The following USP54 variants were observed in gnomAD, a reference collection of about 807,000 sequenced individuals.
USP54 encodes ubiquitin specific peptidase 54.
In USP54, 87 loss-of-function variants were observed where a neutral mutation model predicts 170.5. That is an observed-to-expected ratio of 0.51 (90% CI 0.43 to 0.61). The LOEUF is 0.61. Ranked by LOEUF, USP54 falls within the 20% of genes least tolerant of loss-of-function variation. The pLI is 0.00. For missense variants in USP54, 1,786 were observed against 2,047.8 expected (o/e 0.87, Z 2.47); for synonymous variants, 655 against 742.8 (o/e 0.88, Z 1.92).
At chr10:73,502,115 TAAATA>T (rs2133131858) in intron 22 of USP54, among the ~76,000 whole-genome samples, 1 of 152,306 alleles carries the variant, frequency 6.6e-6, no homozygotes, top group South Asian at 2.1e-4. Context: ...AATAATACAT[TAAATA>T]AAATAATCTA....
chr10:73,589,757 A>T (rs1443172755), intron 1 of USP54, among the ~76,000 whole-genome samples: 1 of 152,190 alleles, frequency 6.6e-6, no homozygotes, highest in Non-Finnish European at 1.5e-5. Context: ...AAGCAACTCC[A>T]GTGTGAGAGA....
chr10:73,584,935 A>C (rs1331739667), intron 1 of USP54, among the ~76,000 whole-genome samples: 1 of 152,144 alleles, frequency 6.6e-6, no homozygotes, highest in Non-Finnish European at 1.5e-5. Flanking sequence ...GGACCACTGC[A>C]CCACATTACT....
intron 1 of USP54, among the ~76,000 whole-genome samples, chr10:73,601,323 A>C (rs983518980): frequency 1.9e-4 from 29 of 152,290 alleles, no homozygotes; most frequent in African/African-American, 6.7e-4. Flanking sequence ...CAAAATTGTT[A>C]AGTCATGGAA....
At chr10:73,564,901 CAA>C (rs199823108) in intron 4 of USP54, among the ~76,000 whole-genome samples, 8 of 66,438 alleles carry the variant, frequency 1.2e-4, no homozygotes, top group East Asian at 1.1e-3. Context: ...TCATCTCTAC[CAA>C]AAAAAAAAAA....
At chr10:73,556,657 A>G (rs34529974) in intron 4 of USP54, among the ~76,000 whole-genome samples, 9 of 152,102 alleles carry the variant, frequency 5.9e-5, no homozygotes, top group Non-Finnish European at 1.3e-4. Flanking sequence ...GTAATTTCTT[A>G]TATCATTTTA....
chr10:73,514,173 G>T (rs1203690501), intron 20 of USP54, among the ~76,000 whole-genome samples: 5 of 152,002 alleles, frequency 3.3e-5, no homozygotes, highest in African/African-American at 9.7e-5. Context: ...AGCCAGGATG[G>T]TCTCAATCTC....
intron 4 of USP54, among the ~76,000 whole-genome samples, chr10:73,548,661 T>C (rs2068443983): frequency 1.3e-5 from 2 of 152,038 alleles, no homozygotes; most frequent in East Asian, 1.9e-4. Context: ...TTCTCACTCA[T>C]AGGTGGGAAT....
intron 1 of USP54, among the ~76,000 whole-genome samples, chr10:73,582,066 C>T (rs1277960313): frequency 6.6e-6 from 1 of 152,176 alleles, no homozygotes; most frequent in African/African-American, 2.4e-5. Context: ...TAATTATCCC[C>T]CACTGTATTC....
intron 17 of USP54, among the ~76,000 whole-genome samples, chr10:73,522,025 T>A (rs190929312): frequency 0.017 from 2,528 of 152,212 alleles, 41 homozygotes; most frequent in Non-Finnish European, 0.026. Context: ...GAAAAAAAAA[T>A]GTCTGAGTCA....
At chr10:73,523,899 T>C (rs2062388033) in intron 16 of USP54, 149 bp from the exon 17 acceptor site, 2 of 250,550 alleles carry the variant, frequency 8.0e-6, no homozygotes, top group Non-Finnish European at 1.3e-5. Context: ...ATTATTATTA[T>C]TATTATTATT....
At chr10:73,621,910 GA>G (rs1564972441) in intron 1 of USP54, among the ~76,000 whole-genome samples, 2 of 151,972 alleles carry the variant, frequency 1.3e-5, no homozygotes, top group Non-Finnish European at 2.9e-5. Context: ...ATATCTGAGG[GA>G]GAAAATGTAT....
chr10:73,599,491 T>C (rs1408206720), intron 1 of USP54, among the ~76,000 whole-genome samples: 1 of 152,200 alleles, frequency 6.6e-6, no homozygotes, highest in African/African-American at 2.4e-5. Context: ...ACTACTTTCC[T>C]TTCCTCTTTT....
At chr10:73,558,179 C>A (rs1018254595) in intron 4 of USP54, among the ~76,000 whole-genome samples, 3 of 152,132 alleles carry the variant, frequency 2.0e-5, no homozygotes, top group African/African-American at 7.2e-5. Context: ...CACGCCCAAT[C>A]TTCAATTTTT....
In USP54 at chr10:73,517,123, G is replaced by A; in HGVS notation, c.3303C>T (p.Ser1101=). The A allele has an allele frequency of 6.2e-7, 1 of 1,614,218 alleles. No homozygotes were observed. Among genetic ancestry groups the A allele is most frequent in the Non-Finnish European group, 8.5e-7 (1 of 1,180,044 alleles). Reference sequence around the variant, plus strand: ...CTTTTAAAGTCAATGAAGTTTTGAGGCTTTGGCCTTGGAGGCATTGGTTAG... The same window carrying A: ...CTTTTAAAGTCAATGAAGTTTTGAGACTTTGGCCTTGGAGGCATTGGTTAG... The part of the protein sequence containing the change: ...QKTNQCLQGQ[S]LKTSLTLKVD... Residue 1101 remains serine (S), a synonymous_variant, in exon 20 of 24, where the codon AGC becomes AGT. Coordinates refer to ENST00000687698, the MANE Select transcript of USP54 (RefSeq NM_001391956.1).
chr10:73,533,965 G>C (rs1436794756), intron 12 of USP54, among the ~76,000 whole-genome samples: 1 of 152,178 alleles, frequency 6.6e-6, no homozygotes, highest in Non-Finnish European at 1.5e-5. Flanking sequence ...GATCACAGGG[G>C]CTTAATGGGA....
chr10:73,595,705 T>C (rs2078669058), upstream of USP54, among the ~76,000 whole-genome samples: 1 of 152,210 alleles, frequency 6.6e-6, no homozygotes, highest in Non-Finnish European at 1.5e-5. Context: ...ACCCTGTCTA[T>C]AGAACAAGGG....
chr10:73,562,660 G>A (rs1027871947), intron 4 of USP54, among the ~76,000 whole-genome samples: 1 of 152,032 alleles, frequency 6.6e-6, no homozygotes, highest in African/African-American at 2.4e-5. Context: ...TTTTACTATT[G>A]GAATAAACCA....
chr10:73,510,451 C>CTTTT (rs200970566), intron 20 of USP54, among the ~76,000 whole-genome samples: 13 of 139,610 alleles, frequency 9.3e-5, no homozygotes, highest in African/African-American at 2.9e-4. Context: ...AACATTTATT[C>CTTTT]TTTTTTTTTT....
At chr10:73,561,542 T>C (rs954114895) in intron 4 of USP54, among the ~76,000 whole-genome samples, 1 of 152,070 alleles carries the variant, frequency 6.6e-6, no homozygotes, top group East Asian at 1.9e-4. Context: ...GAAAAGTGAA[T>C]GTGGTTTGGC....
Sources: gnomAD v4.1 joint callset for allele counts (sites outside exome capture counted in the v4.1 genomes callset) on GRCh38, gnomAD v4.1.1 for gene constraint, MANE v1.5 for transcripts, NCBI Gene and HGNC (gene_info 2026-07-23, HGNC 2026-07-21) for gene names.